Variants in SGCZ observed in about 807,000 individuals in gnomAD.
The protein encoded by SGCZ is sarcoglycan zeta.
SGCZ carries 40 observed loss-of-function variants against 41.3 expected under a neutral mutation model. The observed-to-expected ratio is 0.97, with a 90% CI of 0.75 to 1.26. The LOEUF (loss-of-function observed/expected upper bound fraction) is 1.26. Among genes scored for constraint, SGCZ ranks in the 50% most tolerant of loss-of-function variants. SGCZ has a pLI of 0.00. For missense variants in SGCZ, 552 were observed against 369.8 expected (o/e 1.49, Z -4.04); for synonymous variants, 206 against 137.5 (o/e 1.50, Z -3.49).
chr8:14,154,880 A>C (rs1325360385), intron 5 of SGCZ, among the ~76,000 whole-genome samples: 1 of 152,168 alleles, frequency 6.6e-6, no homozygotes, highest in Non-Finnish European at 1.5e-5. Flanking sequence ...ATCAGCTTCC[A>C]GGCATGGGGG....
chr8:14,702,969 A>G (rs1044140652), intron 1 of SGCZ, among the ~76,000 whole-genome samples: 1 of 112,796 alleles, frequency 8.9e-6, no homozygotes. Flanking sequence ...AGATAGATAG[A>G]TAGACAGACA....
chr8:15,199,428 T>C (rs111615943), intron 1 of SGCZ, among the ~76,000 whole-genome samples: 93 of 152,318 alleles, frequency 6.1e-4, no homozygotes, highest in African/African-American at 2.1e-3. Context: ...TTTAAATTTG[T>C]GTAATAAAGT....
intron 2 of SGCZ, among the ~76,000 whole-genome samples, chr8:14,361,843 G>A (rs771193714): frequency 6.6e-6 from 1 of 152,076 alleles, no homozygotes; most frequent in Non-Finnish European, 1.5e-5. Context: ...TCTTAATGTT[G>A]GTGACCTACA....
chr8:14,968,463 A>G (rs530767654), intron 1 of SGCZ, among the ~76,000 whole-genome samples: 73 of 152,268 alleles, frequency 4.8e-4, no homozygotes, highest in African/African-American at 1.7e-3. Context: ...ATTTTATTCA[A>G]TATTCATCCT....
intron 3 of SGCZ, among the ~76,000 whole-genome samples, chr8:14,295,561 G>A (rs1749918486): frequency 6.6e-6 from 1 of 152,072 alleles, no homozygotes; most frequent in Admixed American, 6.6e-5. Context: ...TAGTTTTCAT[G>A]GAGTAAGTAG....
At position 14,089,541 on chromosome 8, in the gene SGCZ, C is replaced by T. The variant is rs949298115; in HGVS notation, c.*902G>A. On this transcript the variant is annotated 3_prime_UTR_variant, in exon 8 of 8. Transcript: ENST00000382080. ...GTGAGTGGAGCAAACAAAAATTATA[C>T]TATTAAAACCTAGGTGTAAAGGATA... is the stretch of plus-strand genomic sequence containing the variant. Among the ~76,000 whole-genome samples the T allele has an allele frequency of 6.6e-6, 1 of 151,902 alleles. No homozygotes were observed. The highest frequency in any genetic ancestry group is 6.6e-5 in the Admixed American group (1 of 15,208).
chr8:14,545,558 C>T (rs140601969), intron 2 of SGCZ, among the ~76,000 whole-genome samples: 54 of 151,992 alleles, frequency 3.6e-4, no homozygotes, highest in Non-Finnish European at 6.3e-4. Flanking sequence ...CTATTACTTG[C>T]AAAAATAAGT....
chr8:14,685,135 A>G (rs2117552760), intron 1 of SGCZ, among the ~76,000 whole-genome samples: 1 of 152,294 alleles, frequency 6.6e-6, no homozygotes, highest in Non-Finnish European at 1.5e-5. Context: ...AAATATTCTA[A>G]AATTAATACT....
chr8:14,423,828 C>G (rs1204830536), intron 2 of SGCZ, among the ~76,000 whole-genome samples: 1 of 152,152 alleles, frequency 6.6e-6, no homozygotes, highest in African/African-American at 2.4e-5. Context: ...TTTACTTTCT[C>G]TCTCATTTTT....
intron 2 of SGCZ, among the ~76,000 whole-genome samples, chr8:14,358,854 C>T (rs1383365805): frequency 1.3e-5 from 2 of 152,242 alleles, no homozygotes; most frequent in Non-Finnish European, 2.9e-5. Context: ...CGTGATCCAC[C>T]TGCCTCAGCC....
chr8:14,220,945 T>C (rs770356845), intron 4 of SGCZ, among the ~76,000 whole-genome samples: 2 of 152,090 alleles, frequency 1.3e-5, no homozygotes, highest in African/African-American at 4.8e-5. Flanking sequence ...ATTGTTAAGA[T>C]AACACAATCC....
intron 4 of SGCZ, among the ~76,000 whole-genome samples, chr8:14,223,829 C>CTTCTGCTT (rs1253508753): frequency 3.3e-5 from 5 of 152,296 alleles, no homozygotes; most frequent in African/African-American, 1.2e-4. Context: ...TAAAAACTAC[C>CTTCTGCTT]TTCTGCTTTT....
At chr8:14,578,798 C>T (rs1027229372) in intron 1 of SGCZ, among the ~76,000 whole-genome samples, 4 of 152,126 alleles carry the variant, frequency 2.6e-5, no homozygotes, top group African/African-American at 7.2e-5. Flanking sequence ...CTAGTATAGT[C>T]ATTAAGACAT....
At chr8:14,947,185 G>T (rs888378710) in intron 1 of SGCZ, among the ~76,000 whole-genome samples, 5 of 152,122 alleles carry the variant, frequency 3.3e-5, no homozygotes, top group Non-Finnish European at 7.4e-5. Flanking sequence ...AGGACAAGCT[G>T]TTCCTGCCGT....
intron 1 of SGCZ, among the ~76,000 whole-genome samples, chr8:15,207,574 C>G (rs527956687): frequency 1.3e-5 from 2 of 152,090 alleles, no homozygotes; most frequent in Non-Finnish European, 2.9e-5. Flanking sequence ...GCACAATGAT[C>G]ATTTTTGCAG....
At chr8:14,866,336 AGGT>A in intron 1 of SGCZ, among the ~76,000 whole-genome samples, 1 of 152,146 alleles carries the variant, frequency 6.6e-6, no homozygotes, top group South Asian at 2.1e-4. Flanking sequence ...ACAGATTAAA[AGGT>A]AAAACACTGG....
chr8:14,363,976 TC>T, intron 2 of SGCZ, among the ~76,000 whole-genome samples: 1 of 152,248 alleles, frequency 6.6e-6, no homozygotes, highest in South Asian at 2.1e-4. Context: ...AGTAACATAC[TC>T]CCACTCCTCA....
At chr8:14,142,136 G>A (rs1803389942) in intron 5 of SGCZ, among the ~76,000 whole-genome samples, 1 of 152,106 alleles carries the variant, frequency 6.6e-6, no homozygotes, top group Non-Finnish European at 1.5e-5. Context: ...TTGGACACAG[G>A]GTGGGGAACA....
At chr8:14,638,263 C>T (rs1490170346) in intron 1 of SGCZ, among the ~76,000 whole-genome samples, 4 of 151,756 alleles carry the variant, frequency 2.6e-5, no homozygotes, top group African/African-American at 7.3e-5. Context: ...GAGTCTACTC[C>T]GTTGCTTCAT....
Sources: gnomAD v4.1 joint callset for allele counts (sites outside exome capture counted in the v4.1 genomes callset) on GRCh38, gnomAD v4.1.1 for gene constraint, MANE v1.5 for transcripts, NCBI Gene and HGNC (gene_info 2026-07-23, HGNC 2026-07-21) for gene names.